MCF2L2: variants seen among roughly 807,000 people sequenced by gnomAD.
MCF2L2 encodes the protein probable guanine nucleotide exchange factor MCF2L2.
MCF2L2 carries 102 observed loss-of-function variants against 150.2 expected under a neutral mutation model. That is an observed-to-expected ratio of 0.68 (90% CI 0.58 to 0.80). MCF2L2 has a LOEUF of 0.80. MCF2L2 is among the 30% of genes least tolerant of loss of function. The pLI is 0.00. For synonymous variants in MCF2L2, 465 were observed against 491.3 expected, an observed-to-expected ratio of 0.95 and a Z score of 0.71; for missense variants, 1,256 against 1,372.8, an observed-to-expected ratio of 0.91 and a Z score of 1.34.
At chr3:183,234,360 C>G (rs978443901) in intron 15 of MCF2L2, among the ~76,000 whole-genome samples, 1 of 152,186 alleles carries the variant, frequency 6.6e-6, no homozygotes, top group Non-Finnish European at 1.5e-5. Flanking sequence ...TTAAGAGACT[C>G]TTAGGAGCTT....
In MCF2L2 at chr3:183,270,002, A is replaced by C; in HGVS notation, c.1862+6870T>G. 1 of 1,614,150 alleles carries C rather than the reference A, an allele frequency of 6.2e-7. No homozygotes were observed. Reference sequence around the variant, plus strand: ...ATACCCTGTCTCTTAAGCACACCTCAGCGGGGCCTCGCTACCAATACTTGA... The same window carrying C: ...ATACCCTGTCTCTTAAGCACACCTCCGCGGGGCCTCGCTACCAATACTTGA... On this transcript the variant is annotated intron_variant, in intron 15 of 29. Transcript: ENST00000328913. The surrounding 1 kb of genome is among the most constrained non-coding windows in gnomAD (Gnocchi z 4.5).
chr3:183,299,630 A>G (rs981357687), intron 11 of MCF2L2: 1 of 182,222 alleles, frequency 5.5e-6, no homozygotes, highest in African/African-American at 2.4e-5. Context: ...AAAGAGTCAA[A>G]ACCCTTTGCC....
At position 183,276,584 on chromosome 3, in the gene MCF2L2, T is replaced by G. The variant is rs1298284643; in HGVS notation, c.1862+288A>C. The G allele has an allele frequency of 1.5e-5, 5 of 340,678 alleles. No homozygotes were observed. In the East Asian group the frequency reaches 2.4e-4, roughly 16 times the overall value. The allele number at this position is 340,678 out of a possible 1,614,324, so 21.1% of individuals were successfully genotyped here. A position where few individuals can be genotyped will look rare whatever the true frequency, so the allele number is the denominator to read the frequency against. ...AAATGTGTTTAAACCAATAATTCAG[T>G]CAATATCAACATTAGCTTACATGTA... On this transcript the variant is annotated intron_variant, in intron 15 of 29. Transcript: ENST00000328913.
At chr3:183,413,554 T>G (rs1715430583) in intron 1 of MCF2L2, among the ~76,000 whole-genome samples, 3 of 152,166 alleles carry the variant, frequency 2.0e-5, no homozygotes. Context: ...GCAGTTAACA[T>G]GTCTGCTCAC....
chr3:183,330,899 A>G (rs866663817), intron 5 of MCF2L2, among the ~76,000 whole-genome samples: 2 of 151,926 alleles, frequency 1.3e-5, no homozygotes, highest in South Asian at 4.2e-4. Context: ...CAATTACATG[A>G]GCCACATTTT....
intron 1 of MCF2L2, among the ~76,000 whole-genome samples, chr3:183,405,114 T>C (rs1469367962): frequency 6.6e-6 from 1 of 152,144 alleles, no homozygotes; most frequent in African/African-American, 2.4e-5. Flanking sequence ...TATAATTCTA[T>C]CTGTAATATG....
intron 1 of MCF2L2, among the ~76,000 whole-genome samples, chr3:183,424,835 T>C (rs774373771): frequency 2.0e-5 from 3 of 152,046 alleles, no homozygotes; most frequent in Non-Finnish European, 2.9e-5. Context: ...AAAGTGCAAA[T>C]ACTTAGAGGT....
chr3:183,425,598 C>T lies in MCF2L2; in HGVS notation c.76+2304G>A, dbSNP rs146608385. Reference sequence around the variant, plus strand: ...GCTGTTGCAGGGTTAGAGAAACGCCCGCTCCACCTTGAGGTCCCCCAGTAG... The same window carrying T: ...GCTGTTGCAGGGTTAGAGAAACGCCTGCTCCACCTTGAGGTCCCCCAGTAG... On this transcript the variant is annotated intron_variant, in intron 1 of 29. Coordinates refer to ENST00000328913, the MANE Select transcript of MCF2L2 (RefSeq NM_015078.4). Among the ~76,000 whole-genome samples, 1,513 of 152,240 alleles carry T rather than the reference C, an allele frequency of 9.9e-3. 21 individuals carry two copies. The highest frequency in any genetic ancestry group is 0.013 in the Non-Finnish European group (884 of 68,024).
At chr3:183,256,750 C>T (rs1417009454) in intron 15 of MCF2L2, among the ~76,000 whole-genome samples, 1 of 152,226 alleles carries the variant, frequency 6.6e-6, no homozygotes, top group East Asian at 1.9e-4. Flanking sequence ...GGACTCACCT[C>T]AAGTTTCCTT....
chr3:183,217,428 C>T (rs1044007494), intron 21 of MCF2L2, among the ~76,000 whole-genome samples: 2 of 149,948 alleles, frequency 1.3e-5, no homozygotes, highest in African/African-American at 2.5e-5. Flanking sequence ...GCCAAGATTG[C>T]GCCACTGCAC....
intron 14 of MCF2L2, chr3:183,287,526 A>G (rs1727863599): frequency 1.3e-5 from 2 of 152,186 alleles, no homozygotes; most frequent in African/African-American, 4.8e-5. Context: ...CCCTTTTAAT[A>G]TTACTCAATG....
Position 183,207,672 on chromosome 3 carries a change from T to C in MCF2L2, c.2648A>G (p.Lys883Arg). The C allele has an allele frequency of 1.2e-6, 2 of 1,614,262 alleles. No individual in the cohort carries two copies. The highest frequency in any genetic ancestry group is 1.7e-6 in the Non-Finnish European group (2 of 1,180,042). ...CTGGTCCCCAGGCTCCATTCGTATCTTACAGAACACTATTCCCCTTTCAAA... is the reference window on the plus strand; with the variant it reads ...CTGGTCCCCAGGCTCCATTCGTATCCTACAGAACACTATTCCCCTTTCAAA... ...YLFERGIVFC[K>R]IRMEPGDQGL... Residue 883 changes from lysine to arginine, a missense_variant, in exon 23 of 30, where the codon AAG becomes AGG. By Grantham distance (26) the Lys-to-Arg change is conservative. Coordinates refer to ENST00000328913, the MANE Select transcript of MCF2L2 (RefSeq NM_015078.4).
chr3:183,304,882 T>C (rs1054623094), intron 10 of MCF2L2, among the ~76,000 whole-genome samples: 23 of 152,284 alleles, frequency 1.5e-4, no homozygotes, highest in African/African-American at 5.1e-4. Flanking sequence ...GTCGAATGAA[T>C]GACAGACCTT....
At chr3:183,212,222 G>A (rs781553972) in intron 22 of MCF2L2, among the ~76,000 whole-genome samples, 8 of 152,088 alleles carry the variant, frequency 5.3e-5, no homozygotes, top group Non-Finnish European at 1.2e-4. Context: ...GCCTTTGGAC[G>A]TCTAGCCGTC....
At chr3:183,374,257 GC>G (rs1255130431) in intron 3 of MCF2L2, 1 of 152,250 alleles carries the variant, frequency 6.6e-6, no homozygotes, top group African/African-American at 2.4e-5. Flanking sequence ...ACTTTTTCCA[GC>G]CCTCGTTTCT....
rs869078971 is a variant in MCF2L2, at chr3:183,314,907, CTTTTTTTTTTTTTTTTTTTTT to C, written c.753+3140_754-3136del. On this transcript the variant is annotated intron_variant, in intron 7 of 29. Transcript: ENST00000328913. ...TAAACAGTATCTCTTTTTTTCTTTT[CTTTTTTTTTTTTTTTTTTTTT>C]TTTTTTTTTTTTTTTTTTTTTTTTT... Among the ~76,000 whole-genome samples, 19 of 13,808 alleles carry C rather than the reference CTTTTTTTTTTTTTTTTTTTTT, an allele frequency of 1.4e-3. 1 individual carries two copies. Among genetic ancestry groups the C allele is most frequent in the African/African-American group, 4.1e-3 (17 of 4,190 alleles). The allele number at this position is 13,808 out of a possible 152,430, so 9.1% of individuals were successfully genotyped here.
intron 1 of MCF2L2, among the ~76,000 whole-genome samples, chr3:183,422,561 G>A (rs942036793): frequency 6.6e-6 from 1 of 152,142 alleles, no homozygotes; most frequent in African/African-American, 2.4e-5. Context: ...TGACCTCTCA[G>A]CTGTAGGCTC....
chr3:183,300,218 C>A, intron 10 of MCF2L2, 22 bp from the exon 11 acceptor site: 1 of 1,581,982 alleles, frequency 6.3e-7, no homozygotes, highest in Non-Finnish European at 8.6e-7. Flanking sequence ...ACACCCACAG[C>A]CAGGCGTCAG....
At position 183,428,299 on chromosome 3, in the gene MCF2L2, G is replaced by A. The variant is rs1716278087; in HGVS notation, c.-322C>T. ...CGGCTCCTCCGGCCGGGCGAGCTCC[G>A]GGGCTTCCAGAATCGCGGTCCCGGC... On this transcript the variant is annotated 5_prime_UTR_variant, in exon 1 of 30. Transcript: ENST00000328913. The surrounding 1 kb of genome is among the most constrained non-coding windows in gnomAD (Gnocchi z 5.1). 2 of 317,302 alleles carry A rather than the reference G, an allele frequency of 6.3e-6. No individual in the cohort carries two copies. Among genetic ancestry groups the A allele is most frequent in the East Asian group, 9.1e-5 (1 of 11,004 alleles). 19.7% of individuals were successfully genotyped at this position (317,302 alleles called of 1,614,324 possible).
Sources: allele counts gnomAD v4.1 joint callset (sites outside exome capture counted in the v4.1 genomes callset), GRCh38; gene constraint gnomAD v4.1.1; non-coding constraint Gnocchi (gnomAD v3.1); transcripts MANE v1.5; gene names NCBI Gene and HGNC (gene_info 2026-07-23, HGNC 2026-07-21).